NRP1: variants seen among roughly 807,000 people sequenced by gnomAD.
NRP1 encodes the protein neuropilin 1.
In NRP1, 35 loss-of-function variants were observed where a neutral mutation model predicts 106.7. The ratio of observed to expected loss-of-function variants is 0.33; its 90% CI spans 0.25 to 0.43. NRP1 has a LOEUF of 0.43. Among genes scored for constraint, NRP1 ranks in the 20% least tolerant of loss-of-function variants. The pLI is 1.00. For missense variants in NRP1, 1,024 were observed against 1,170.4 expected (o/e 0.87, Z 1.83); for synonymous variants, 437 against 417.9 (o/e 1.05, Z -0.56).
intron 2 of NRP1, among the ~76,000 whole-genome samples, chr10:33,314,913 C>T (rs1338245451): frequency 6.6e-6 from 1 of 152,208 alleles, no homozygotes; most frequent in African/African-American, 2.4e-5. Flanking sequence ...GTGAAGTTAA[C>T]ATGTGCATTT....
chr10:33,310,272 A>G (rs561519584), intron 2 of NRP1, among the ~76,000 whole-genome samples: 175 of 91,150 alleles, frequency 1.9e-3, no homozygotes, highest in African/African-American at 7.6e-3. Flanking sequence ...TTTTTTCGAG[A>G]CAGAGTCTTG....
intron 10 of NRP1, chr10:33,206,105 C>T (rs1374014543): frequency 8.7e-6 from 4 of 458,282 alleles, no homozygotes; most frequent in East Asian, 1.1e-4. Flanking sequence ...TGCAAGCGTG[C>T]TTTCAAAACT....
rs562429392 is a variant in NRP1, at chr10:33,180,475, G to A, written c.2483-110C>T. On this transcript the variant is annotated intron_variant, in intron 16 of 16. Transcript: ENST00000374867. Reference sequence around the variant, plus strand: ...GGAGCAAATCACACACCCCAGTTTTGCCTGTCATATCTGACTCATTGTTGG... The same window carrying A: ...GGAGCAAATCACACACCCCAGTTTTACCTGTCATATCTGACTCATTGTTGG... The A allele has an allele frequency of 8.2e-6, 9 of 1,099,282 alleles. No homozygotes were observed. The South Asian group carries it at 1.3e-4, about 16-fold the overall frequency. 68.1% of individuals were successfully genotyped at this position (1,099,282 alleles called of 1,614,324 possible). A position where few individuals can be genotyped will look rare whatever the true frequency, so the allele number is the denominator to read the frequency against.
intron 13 of NRP1, among the ~76,000 whole-genome samples, chr10:33,188,230 A>C (rs997829113): frequency 1.3e-5 from 2 of 152,156 alleles, no homozygotes; most frequent in Non-Finnish European, 2.9e-5. Flanking sequence ...TGCTGCTGCC[A>C]TGTCTTAATC....
intron 2 of NRP1, among the ~76,000 whole-genome samples, chr10:33,296,005 G>C (rs1220278060): frequency 2.0e-5 from 3 of 152,172 alleles, no homozygotes; most frequent in Non-Finnish European, 4.4e-5. Flanking sequence ...TGTCATCTGA[G>C]TGTTTGGGTT....
At chr10:33,248,609 G>C (rs1841602705) in intron 6 of NRP1, among the ~76,000 whole-genome samples, 1 of 152,158 alleles carries the variant, frequency 6.6e-6, no homozygotes, top group African/African-American at 2.4e-5. Flanking sequence ...TAAGGCAAAA[G>C]GAAAACATGA....
At chr10:33,234,390 A>G (rs1422383532) in intron 6 of NRP1, among the ~76,000 whole-genome samples, 5 of 152,182 alleles carry the variant, frequency 3.3e-5, no homozygotes, top group South Asian at 2.1e-4. Flanking sequence ...ATATTTTATA[A>G]CCATAATGAT....
chr10:33,283,010 C>G (rs994814695), intron 2 of NRP1, among the ~76,000 whole-genome samples: 2 of 152,124 alleles, frequency 1.3e-5, no homozygotes, highest in African/African-American at 4.8e-5. Context: ...TCCCAAAGTG[C>G]TGGGATTACA....
At chr10:33,301,357 C>G (rs989482850) in intron 2 of NRP1, among the ~76,000 whole-genome samples, 2 of 152,152 alleles carry the variant, frequency 1.3e-5, no homozygotes, top group African/African-American at 4.8e-5. Context: ...AACTGGATGA[C>G]AGCGTATAAA....
At chr10:33,209,289 T>C (rs1225313812) in intron 9 of NRP1, among the ~76,000 whole-genome samples, 1 of 152,168 alleles carries the variant, frequency 6.6e-6, no homozygotes, top group Non-Finnish European at 1.5e-5. Flanking sequence ...ATGAGGTAAA[T>C]TCTGTATTAT....
rs752803831 is a variant in NRP1, at chr10:33,330,872, G to C, written c.84C>G (p.Gly28=). ...PAGAFRNDKC[G]DTIKIESPGY... is the part of the protein sequence containing the mutation. ...CGGGGCTTTCAATTTTTATAGTATC[G>C]CCACATTTATCTGCAATGAAAGTAA... Residue 28 remains glycine (G), a synonymous_variant, in exon 2 of 17, where the codon GGC becomes GGG. Coordinates refer to ENST00000374867, the MANE Select transcript of NRP1 (RefSeq NM_003873.7). The C allele has an allele frequency of 1.9e-6, 3 of 1,601,962 alleles. No individual in the cohort carries two copies. The highest frequency in any genetic ancestry group is 1.1e-5 in the South Asian group (1 of 89,790).
chr10:33,219,057 TAATC>T (rs1263037120), intron 8 of NRP1, among the ~76,000 whole-genome samples: 1 of 152,228 alleles, frequency 6.6e-6, no homozygotes, highest in Admixed American at 6.5e-5. Flanking sequence ...CTGCTTCTGA[TAATC>T]AAGAAGAAAA....
In NRP1 at chr10:33,230,595, ATATGTGTGTGTGTGTGTGTGTGTG is replaced by A. The variant is rs1217873069; in HGVS notation, c.982-4330_982-4307del. On this transcript the variant is annotated intron_variant, in intron 6 of 16. Transcript: ENST00000374867. ...CTCCTATTTTCCATTAGTTTCTCAT[ATATGTGTGTGTGTGTGTGTGTGTG>A]TGTGTGTGTGTGTGTGTGTATGTAT... Among the ~76,000 whole-genome samples the A allele has an allele frequency of 9.7e-4, 113 of 116,772 alleles. 2 individuals are homozygous for A. Among genetic ancestry groups the A allele is most frequent in the African/African-American group, 3.9e-3 (105 of 26,822 alleles). The allele number at this position is 116,772 out of a possible 152,430, so 76.6% of individuals were successfully genotyped here.
intron 7 of NRP1, among the ~76,000 whole-genome samples, chr10:33,225,439 G>A (rs1031511896): frequency 7.2e-5 from 11 of 152,202 alleles, no homozygotes; most frequent in Non-Finnish European, 1.5e-5. Context: ...TCTGGGAGAT[G>A]GTGAGTATGA....
At chr10:33,266,468 C>A (rs1424163558) in intron 3 of NRP1, among the ~76,000 whole-genome samples, 5 of 151,022 alleles carry the variant, frequency 3.3e-5, no homozygotes, top group African/African-American at 4.9e-5. Context: ...ACTAAAATCT[C>A]TTCCAATTTA....
At chr10:33,253,695 G>GA (rs1842013154) in intron 6 of NRP1, among the ~76,000 whole-genome samples, 1 of 152,158 alleles carries the variant, frequency 6.6e-6, no homozygotes, top group Non-Finnish European at 1.5e-5. Context: ...GTGTAGTTGG[G>GA]AAAAATCAGA....
At chr10:33,268,328 A>C (rs566165549) in intron 3 of NRP1, among the ~76,000 whole-genome samples, 9 of 152,298 alleles carry the variant, frequency 5.9e-5, no homozygotes, top group African/African-American at 2.2e-4. Context: ...ATAGAGTCAC[A>C]TGGGAGGGCC....
At chr10:33,217,313 C>T (rs1017664246) in intron 8 of NRP1, among the ~76,000 whole-genome samples, 15 of 152,016 alleles carry the variant, frequency 9.9e-5, no homozygotes, top group African/African-American at 3.6e-4. Flanking sequence ...TGCCCTGTCC[C>T]CATTTAGCCA....
At chr10:33,233,019 A>G (rs904253505) in intron 6 of NRP1, among the ~76,000 whole-genome samples, 1 of 152,182 alleles carries the variant, frequency 6.6e-6, no homozygotes, top group Non-Finnish European at 1.5e-5. Context: ...ACCCAACACA[A>G]TACCCTGTTT....
Sources: gnomAD v4.1 joint callset for allele counts (sites outside exome capture counted in the v4.1 genomes callset) on GRCh38, gnomAD v4.1.1 for gene constraint, MANE v1.5 for transcripts, NCBI Gene and HGNC (gene_info 2026-07-23, HGNC 2026-07-21) for gene names.